Variants in THSD7B observed in about 807,000 individuals in gnomAD.
THSD7B encodes thrombospondin type 1 domain containing 7B, also known as thrombospondin type-1 domain-containing protein 7B.
Under a neutral mutation model 213.6 loss-of-function variants are expected in THSD7B, and 138 were observed. The ratio of observed to expected loss-of-function variants is 0.65; its 90% CI spans 0.56 to 0.74. The LOEUF (loss-of-function observed/expected upper bound fraction) is 0.74, where lower values mean the gene tolerates loss of function less well. THSD7B is among the 30% of genes least tolerant of loss of function. THSD7B has a pLI of 0.00. For missense variants in THSD7B, 1,931 were observed against 1,991.5 expected (o/e 0.97, Z 0.58); for synonymous variants, 742 against 687.0 (o/e 1.08, Z -1.25).
intron 12 of THSD7B, among the ~76,000 whole-genome samples, chr2:137,296,777 C>T (rs982521951): frequency 5.3e-5 from 8 of 152,000 alleles, no homozygotes; most frequent in African/African-American, 1.7e-4. Context: ...GGGTACAGCT[C>T]CTCTCACCTG....
intron 1 of THSD7B, among the ~76,000 whole-genome samples, chr2:136,871,782 A>G (rs1482422401): frequency 1.3e-5 from 2 of 152,144 alleles, no homozygotes; most frequent in Non-Finnish European, 2.9e-5. Flanking sequence ...TATCAGAGTA[A>G]TTACTACTTT....
At chr2:137,407,523 T>C (rs1361288182) in intron 13 of THSD7B, among the ~76,000 whole-genome samples, 1 of 152,186 alleles carries the variant, frequency 6.6e-6, no homozygotes, top group African/African-American at 2.4e-5. Flanking sequence ...ATTTTCACTT[T>C]TCAAGACTTA....
intron 12 of THSD7B, among the ~76,000 whole-genome samples, chr2:137,369,709 A>G (rs7589938): frequency 0.04 from 6,020 of 152,124 alleles, 419 homozygotes; most frequent in African/African-American, 0.14. Context: ...GCAAATAACC[A>G]TTGTATTTCA....
In THSD7B at chr2:137,028,543, A is replaced by G. The variant is rs374568522; in HGVS notation, c.140-27877A>G. Among the ~76,000 whole-genome samples the G allele has an allele frequency of 5.3e-4, 81 of 152,368 alleles. 1 individual carries two copies. The highest frequency in any genetic ancestry group is 1.9e-3 in the African/African-American group (81 of 41,588). The stretch of plus-strand genomic sequence containing the variant: ...ACATCTAAACTTTCAATTATTTAGT[A>G]AATGTTTATTTAACACCACCATGTT... On this transcript the variant is annotated intron_variant, in intron 2 of 27. Coordinates refer to ENST00000409968, the MANE Select transcript of THSD7B (RefSeq NM_001316349.2).
chr2:136,789,455 A>G (rs1681923941), intron 1 of THSD7B, among the ~76,000 whole-genome samples: 1 of 152,078 alleles, frequency 6.6e-6, no homozygotes, highest in African/African-American at 2.4e-5. Flanking sequence ...CATATCTACC[A>G]CCTTAAATAT....
intron 3 of THSD7B, among the ~76,000 whole-genome samples, chr2:137,060,386 T>C (rs922128442): frequency 6.7e-6 from 1 of 150,196 alleles, no homozygotes; most frequent in East Asian, 2.1e-4. Context: ...CTTCTCAATA[T>C]TTTTTCAAGG....
intron 25 of THSD7B, 148 bp downstream of exon 25, chr2:137,659,894 T>A (rs2104820496): frequency 1.6e-6 from 1 of 628,342 alleles, no homozygotes; most frequent in East Asian, 3.2e-5. Flanking sequence ...TAATCCCAGT[T>A]ATAAAGAATT....
intron 6 of THSD7B, 46 bp downstream of exon 6, chr2:137,160,414 A>G: frequency 6.3e-7 from 1 of 1,592,598 alleles, no homozygotes; most frequent in African/African-American, 1.3e-5. Flanking sequence ...CAGCGTACAA[A>G]CATTTATTCT....
In THSD7B at chr2:137,640,731, C is replaced by T. The variant is rs567358543; in HGVS notation, c.3800-1757C>T. On this transcript the variant is annotated intron_variant, in intron 20 of 27. Coordinates refer to ENST00000409968, the MANE Select transcript of THSD7B (RefSeq NM_001316349.2). ...GAAGTGTTGAAAATATTGCCCAACA[C>T]ATGGTACTAGCTCAATCAATGTATT... Among the ~76,000 whole-genome samples, 39 of 152,336 alleles carry T rather than the reference C, an allele frequency of 2.6e-4. No homozygotes were observed. The South Asian group carries it at 7.9e-3, about 31-fold the overall frequency.
chr2:136,774,251 T>C (rs371083928), intron 1 of THSD7B, among the ~76,000 whole-genome samples: 179 of 152,224 alleles, frequency 1.2e-3, no homozygotes, highest in African/African-American at 4.2e-3. Context: ...ATTTAATGCA[T>C]ATTTCTCATC....
intron 1 of THSD7B, among the ~76,000 whole-genome samples, chr2:136,825,718 AT>A (rs55814718): frequency 1.3e-3 from 157 of 116,856 alleles, no homozygotes; most frequent in Admixed American, 2.2e-3. Context: ...TGCCTGGCTA[AT>A]TTTTTTTTTT....
At chr2:137,323,725 A>G (rs753621817) in intron 12 of THSD7B, among the ~76,000 whole-genome samples, 6 of 152,240 alleles carry the variant, frequency 3.9e-5, no homozygotes, top group African/African-American at 4.8e-5. Flanking sequence ...AAATTTGTCT[A>G]TAAGCCAAAC....
intron 2 of THSD7B, among the ~76,000 whole-genome samples, chr2:136,939,620 C>T (rs904453773): frequency 3.3e-5 from 5 of 152,168 alleles, no homozygotes; most frequent in Non-Finnish European, 7.3e-5. Flanking sequence ...TTCCAAGAAG[C>T]CTTCTTTTCT....
intron 2 of THSD7B, among the ~76,000 whole-genome samples, chr2:137,043,575 A>G (rs1341094541): frequency 3.3e-5 from 5 of 152,158 alleles, no homozygotes; most frequent in African/African-American, 1.2e-4. Flanking sequence ...TTTTGTTTTA[A>G]TTATATGTAT....
In THSD7B at chr2:137,405,693, G is replaced by T; in HGVS notation, c.2581G>T (p.Val861Leu). The T allele has an allele frequency of 6.2e-7, 1 of 1,613,656 alleles. No individual in the cohort carries two copies. Among genetic ancestry groups the T allele is most frequent in the Non-Finnish European group, 8.5e-7 (1 of 1,179,816 alleles). ...GCAGACAAACGGCATGCCTCTCCTT[G>T]TGCAAGAATGCACAGTCCCATGTCG... is the stretch of plus-strand genomic sequence containing the variant. ...LKQTNGMPLL[V>L]QECTVPCRED... The change falls in exon 13 of 28, where the codon GTG becomes TTG. Residue 861 changes from valine to leucine, a missense_variant. Val to Leu is a conservative substitution (Grantham distance 32). Transcript: ENST00000409968.
chr2:137,410,069 T>C (rs528644535), intron 13 of THSD7B, among the ~76,000 whole-genome samples: 1 of 152,246 alleles, frequency 6.6e-6, no homozygotes, highest in East Asian at 1.9e-4. Context: ...AGGGAGGTCT[T>C]GAACCTGCTA....
At chr2:137,470,952 C>T (rs1453895999) in intron 15 of THSD7B, among the ~76,000 whole-genome samples, 2 of 139,414 alleles carry the variant, frequency 1.4e-5, no homozygotes, top group Non-Finnish European at 3.0e-5. Context: ...CAGAGTCTCA[C>T]TTCATCACTC....
intron 20 of THSD7B, among the ~76,000 whole-genome samples, chr2:137,622,674 A>T (rs1682543093): frequency 6.6e-6 from 1 of 152,194 alleles, no homozygotes; most frequent in Non-Finnish European, 1.5e-5. Context: ...AGAAATACAA[A>T]CTACCATCAG....
chr2:137,479,610 C>A, intron 15 of THSD7B: 1 of 201,394 alleles, frequency 5.0e-6, no homozygotes, highest in Non-Finnish European at 1.1e-5. Context: ...CCTTAGTATG[C>A]TTGTAAAAGT....
Sources: gnomAD v4.1 joint callset for allele counts (sites outside exome capture counted in the v4.1 genomes callset) on GRCh38, gnomAD v4.1.1 for gene constraint, MANE v1.5 for transcripts, NCBI Gene and HGNC (gene_info 2026-07-23, HGNC 2026-07-21) for gene names.